Variants in GPC6 observed in about 807,000 individuals in gnomAD.
The protein encoded by GPC6 is glypican-6.
Under a neutral mutation model 55.2 loss-of-function variants are expected in GPC6, and 14 were observed. The observed-to-expected ratio is 0.25, with a 90% CI of 0.17 to 0.40. GPC6 has a LOEUF of 0.40. GPC6 is among the 10% of genes least tolerant of loss of function. The probability of loss-of-function intolerance (pLI) is 1.00; values close to 1 mark genes in which losing one functional copy is unlikely to be tolerated. For synonymous variants in GPC6, 278 were observed against 259.6 expected (o/e 1.07, Z -0.68); for missense variants, 641 against 708.5 (o/e 0.90, Z 1.08).
intron 4 of GPC6, among the ~76,000 whole-genome samples, chr13:94,034,615 A>ATG (rs1448580836): frequency 6.6e-6 from 1 of 151,916 alleles, no homozygotes; most frequent in Non-Finnish European, 1.5e-5. Flanking sequence ...ATTCTAGGGG[A>ATG]TGTGTGTGTG....
intron 2 of GPC6, among the ~76,000 whole-genome samples, chr13:93,795,448 A>G (rs1260479675): frequency 6.6e-6 from 1 of 152,154 alleles, no homozygotes; most frequent in Non-Finnish European, 1.5e-5. Flanking sequence ...TCGTTTTCCT[A>G]GCCCTCACTC....
At chr13:93,585,176 G>T (rs1320586629) in intron 2 of GPC6, among the ~76,000 whole-genome samples, 2 of 152,088 alleles carry the variant, frequency 1.3e-5, no homozygotes, top group African/African-American at 4.8e-5. Context: ...GCACTTTTTA[G>T]TATTTTTAGG....
At chr13:93,272,693 G>A (rs532765811) in intron 1 of GPC6, among the ~76,000 whole-genome samples, 52 of 152,164 alleles carry the variant, frequency 3.4e-4, no homozygotes, top group Middle Eastern at 6.8e-3. Context: ...ATGTCTGTGA[G>A]TGATTCCGTA....
chr13:93,385,614 C>T (rs1299626227), intron 1 of GPC6, among the ~76,000 whole-genome samples: 4 of 152,218 alleles, frequency 2.6e-5, no homozygotes, highest in East Asian at 1.9e-4. Flanking sequence ...CAATCTGAAA[C>T]GTGGAGAAAT....
chr13:94,275,172 G>A (rs1282680146), intron 4 of GPC6, among the ~76,000 whole-genome samples: 2 of 152,156 alleles, frequency 1.3e-5, no homozygotes, highest in Non-Finnish European at 2.9e-5. Context: ...AAATACAGCA[G>A]TAACCAAAAC....
intron 2 of GPC6, among the ~76,000 whole-genome samples, chr13:93,751,471 G>A (rs1884588531): frequency 6.6e-6 from 1 of 151,166 alleles, no homozygotes; most frequent in African/African-American, 2.4e-5. Context: ...CTTTGTCCCT[G>A]TGGCTATAAG....
chr13:94,305,967 A>C lies in GPC6; in HGVS notation c.1009-13A>C. ...ATTGTATAGCTGTTTTTACTTTTCA[A>C]TGGTTCTTCCAGGTCTTTCAGGGAT... On this transcript the variant is annotated splice_polypyrimidine_tract_variant and intron_variant, in intron 5 of 8. Coordinates refer to ENST00000377047, the MANE Select transcript of GPC6 (RefSeq NM_005708.5). 1.9e-6 allele frequency: 3 copies of C among 1,613,896 alleles called. No individual in the cohort carries two copies. The highest frequency in any genetic ancestry group is 1.7e-6 in the Non-Finnish European group (2 of 1,179,784).
chr13:93,851,404 T>C (rs1487052596), intron 3 of GPC6, among the ~76,000 whole-genome samples: 1 of 151,876 alleles, frequency 6.6e-6, no homozygotes, highest in Non-Finnish European at 1.5e-5. Context: ...GGCATGTGTA[T>C]CCTAAAAAAA....
At chr13:93,779,308 A>G (rs1476376196) in intron 2 of GPC6, among the ~76,000 whole-genome samples, 1 of 152,208 alleles carries the variant, frequency 6.6e-6, no homozygotes, top group Non-Finnish European at 1.5e-5. Context: ...TTTGTATAAG[A>G]AAAATAATTT....
At chr13:94,235,869 A>G (rs1890863216) in intron 4 of GPC6, among the ~76,000 whole-genome samples, 1 of 152,170 alleles carries the variant, frequency 6.6e-6, no homozygotes, top group Non-Finnish European at 1.5e-5. Context: ...TTCGCTGAGA[A>G]TATTGAAGCT....
chr13:93,990,970 A>AAGGAAGGAAGGG (rs1044032935), intron 3 of GPC6, among the ~76,000 whole-genome samples: 1 of 151,556 alleles, frequency 6.6e-6, no homozygotes, highest in Non-Finnish European at 1.5e-5. Flanking sequence ...AGAAGGAAGG[A>AAGGAAGGAAGGG]AGGAAGGAAG....
chr13:94,056,908 G>A (rs907895942), intron 4 of GPC6, among the ~76,000 whole-genome samples: 2 of 152,188 alleles, frequency 1.3e-5, no homozygotes, highest in Non-Finnish European at 2.9e-5. Flanking sequence ...GCCTGTTCTG[G>A]ATGTCATTAA....
chr13:94,207,307 A>G (rs1889934150), intron 4 of GPC6, among the ~76,000 whole-genome samples: 2 of 152,198 alleles, frequency 1.3e-5, no homozygotes, highest in South Asian at 4.1e-4. Flanking sequence ...ACATTTAAAA[A>G]CAATTAGCAA....
intron 6 of GPC6, among the ~76,000 whole-genome samples, chr13:94,334,266 C>T (rs904953723): frequency 1.7e-4 from 26 of 152,200 alleles, no homozygotes; most frequent in African/African-American, 4.8e-4. Flanking sequence ...GCTTCACTAA[C>T]GTTTATTTAC....
intron 2 of GPC6, among the ~76,000 whole-genome samples, chr13:93,647,270 C>CT (rs1320968595): frequency 1.3e-5 from 2 of 151,986 alleles, no homozygotes; most frequent in Non-Finnish European, 2.9e-5. Flanking sequence ...GGATGTTTCT[C>CT]TTTTTTCCAG....
chr13:93,762,886 T>C (rs1329661726), intron 2 of GPC6, among the ~76,000 whole-genome samples: 2 of 152,196 alleles, frequency 1.3e-5, no homozygotes. Context: ...TAGGTAATTA[T>C]AGTAGATTGC....
chr13:93,888,295 G>A (rs1489647654), intron 3 of GPC6, among the ~76,000 whole-genome samples: 2 of 152,054 alleles, frequency 1.3e-5, no homozygotes, highest in Admixed American at 1.3e-4. Context: ...TGTTACATGG[G>A]GATATCATAA....
At chr13:94,366,160 C>T (rs1175089531) in intron 6 of GPC6, among the ~76,000 whole-genome samples, 1 of 152,186 alleles carries the variant, frequency 6.6e-6, no homozygotes, top group Non-Finnish European at 1.5e-5. Flanking sequence ...TCCTAAGTAT[C>T]ATCAAAGGCC....
intron 3 of GPC6, among the ~76,000 whole-genome samples, chr13:93,888,745 A>T (rs544189077): frequency 4.6e-5 from 7 of 152,300 alleles, no homozygotes; most frequent in African/African-American, 1.7e-4. Context: ...TTCAGAACAC[A>T]TAGTCCCTAA....
Sources: allele counts gnomAD v4.1 joint callset (sites outside exome capture counted in the v4.1 genomes callset), GRCh38; gene constraint gnomAD v4.1.1; transcripts MANE v1.5; gene names NCBI Gene and HGNC (gene_info 2026-07-23, HGNC 2026-07-21).